ARL6IP1: variants seen among roughly 807,000 people sequenced by gnomAD.
ARL6IP1 encodes ARL6 interacting reticulophagy regulator 1, also known as ADP-ribosylation factor-like protein 6-interacting protein 1.
ARL6IP1 carries 16 observed loss-of-function variants against 30.1 expected under a neutral mutation model. The ratio of observed to expected loss-of-function variants is 0.53; its 90% CI spans 0.36 to 0.81. ARL6IP1 has a LOEUF of 0.81. ARL6IP1 is among the 30% of genes least tolerant of loss of function. The probability of loss-of-function intolerance (pLI) is 0.01; values close to 1 mark genes in which losing one functional copy is unlikely to be tolerated. For synonymous variants in ARL6IP1, 72 were observed against 84.8 expected (o/e 0.85, Z 0.83); for missense variants, 173 against 242.7 (o/e 0.71, Z 1.91).
chr16:18,799,071 G>A lies in ARL6IP1; in HGVS notation c.37-237C>T, dbSNP rs541797859. ...GTCTCGCTCTGTCACCCAGGCTGGA[G>A]TGCAGTGGGGAGATCTCGGCTCACT... On this transcript the variant is annotated intron_variant, in intron 1 of 5. Coordinates refer to ENST00000304414, the MANE Select transcript of ARL6IP1 (RefSeq NM_015161.3). Among the ~76,000 whole-genome samples the A allele has an allele frequency of 2.6e-5, 4 of 152,096 alleles. No homozygotes were observed. In the South Asian group the frequency reaches 8.3e-4, roughly 32 times the overall value.
chr16:18,801,232 G>C (rs548620388), intron 1 of ARL6IP1, 199 bp downstream of exon 1: 160 of 1,419,590 alleles, frequency 1.1e-4, no homozygotes, highest in Non-Finnish European at 1.4e-4. Flanking sequence ...TCCTCGCCCC[G>C]TCGCGCACCG....
intron 5 of ARL6IP1, among the ~76,000 whole-genome samples, chr16:18,793,900 A>T (rs2030149563): frequency 6.6e-6 from 1 of 152,164 alleles, no homozygotes; most frequent in South Asian, 2.1e-4. Context: ...TTTTTAGTAC[A>T]CATGTGATTT....
intron 1 of ARL6IP1, among the ~76,000 whole-genome samples, chr16:18,799,765 C>G (rs1479393970): frequency 6.6e-6 from 1 of 152,182 alleles, no homozygotes; most frequent in Non-Finnish European, 1.5e-5. Flanking sequence ...GTGTTTCTTA[C>G]CACTCAGGAT....
chr16:18,800,030 T>G (rs1246801801), intron 1 of ARL6IP1, among the ~76,000 whole-genome samples: 3 of 152,160 alleles, frequency 2.0e-5, no homozygotes, highest in Non-Finnish European at 4.4e-5. Flanking sequence ...CCTTGTCTCT[T>G]TGTAAAAGTC....
Position 18,798,046 on chromosome 16 carries a change from T to G in ARL6IP1, c.171-2A>C. 6.3e-7 allele frequency: 1 copy of G among 1,576,538 alleles called. No individual in the cohort carries two copies. The highest frequency in any genetic ancestry group is 8.6e-7 in the Non-Finnish European group (1 of 1,166,738). On this transcript the variant is annotated splice_acceptor_variant, in intron 2 of 5. Transcript: ENST00000304414. LOFTEE classifies it high-confidence loss of function. ...GATGGATCTAGATAGTAGATAATCC[T>G]GTTAAAAAAATTAATAAAGGTTAGA...
chr16:18,797,852 C>T, intron 3 of ARL6IP1, 73 bp downstream of exon 3: 1 of 1,532,038 alleles, frequency 6.5e-7, no homozygotes, highest in Admixed American at 2.1e-5. Context: ...TGCTTATTTA[C>T]AGCATACTAA....
rs1261134004 is a variant in ARL6IP1, at chr16:18,795,221, T to C, written c.408+243A>G. 3 of 363,270 alleles carry C rather than the reference T, an allele frequency of 8.3e-6. No homozygotes were observed. In the Admixed American group the frequency reaches 1.2e-4, roughly 15 times the overall value. The allele number at this position is 363,270 out of a possible 1,614,324, so 22.5% of individuals were successfully genotyped here. A position where few individuals can be genotyped will look rare whatever the true frequency, so the allele number is the denominator to read the frequency against. Reference sequence around the variant, plus strand: ...AGATGCTTTCTAAGTATATGTCTTTTACTATTATTTCAGTAAGAAAAATGA... The same window carrying C: ...AGATGCTTTCTAAGTATATGTCTTTCACTATTATTTCAGTAAGAAAAATGA... On this transcript the variant is annotated intron_variant, in intron 4 of 5. Transcript: ENST00000304414.
chr16:18,801,152 G>C (rs950820379), intron 1 of ARL6IP1: 10 of 1,367,970 alleles, frequency 7.3e-6, no homozygotes, highest in Middle Eastern at 2.8e-4. Context: ...CGCACCCCAG[G>C]CTAGTGTCGC....
chr16:18,801,184 C>G (rs975270663), intron 1 of ARL6IP1: 7 of 1,403,562 alleles, frequency 5.0e-6, no homozygotes, highest in Non-Finnish European at 6.5e-6. Context: ...CTCCCACTTC[C>G]TCCTCGACTC....
intron 5 of ARL6IP1, 24 bp downstream of exon 5, chr16:18,794,575 T>C: frequency 1.9e-6 from 3 of 1,588,574 alleles, no homozygotes; most frequent in East Asian, 2.2e-5. Flanking sequence ...AGGATGTGCC[T>C]GTAGTTTTTC....
intron 4 of ARL6IP1, 27 bp from the exon 5 acceptor site, chr16:18,794,710 T>A: frequency 6.5e-7 from 1 of 1,527,120 alleles, no homozygotes; most frequent in Non-Finnish European, 9.0e-7. Flanking sequence ...GAATTTAATA[T>A]CAAAACTTCA....
Position 18,792,207 on chromosome 16 carries a change from C to T in ARL6IP1, c.*1045G>A, listed in dbSNP as rs2030088743. On this transcript the variant is annotated 3_prime_UTR_variant, in exon 6 of 6. Coordinates refer to ENST00000304414, the MANE Select transcript of ARL6IP1 (RefSeq NM_015161.3). ...TCTCACCAACAGCCCTTGTATTTTT[C>T]AGGGAGAAATCTCTAGGAAAAAAGT... 6.6e-6 allele frequency: 1 copy of T among 152,162 alleles called. No homozygotes were observed. The allele number at this position is 152,162 out of a possible 1,614,324, so 9.4% of individuals were successfully genotyped here. A position where few individuals can be genotyped will look rare whatever the true frequency, so the allele number is the denominator to read the frequency against.
In ARL6IP1 at chr16:18,795,594, T is replaced by G. The variant is rs2030206963; in HGVS notation, c.291-13A>C. 1 of 1,599,896 alleles carries G rather than the reference T, an allele frequency of 6.3e-7. No individual in the cohort carries two copies. The highest frequency in any genetic ancestry group is 8.5e-7 in the Non-Finnish European group (1 of 1,170,298). On this transcript the variant is annotated splice_polypyrimidine_tract_variant and intron_variant, in intron 3 of 5. Transcript: ENST00000304414. ...TTGTTCAGTGGTCCTAGAAAAGAAA[T>G]TTGCCTTTTGCTATAAACAAATCGT...
intron 4 of ARL6IP1, chr16:18,795,152 T>C (rs1342652243): frequency 2.1e-5 from 5 of 235,502 alleles, no homozygotes; most frequent in Non-Finnish European, 4.2e-5. Context: ...CAGCCTTCCA[T>C]GTAGCTGGGA....
chr16:18,798,686 T>C lies in ARL6IP1; in HGVS notation c.170+15A>G, dbSNP rs748667940. 20 of 1,613,024 alleles carry C rather than the reference T, an allele frequency of 1.2e-5. No individual in the cohort carries two copies. The Admixed American group carries it at 2.3e-4, about 19-fold the overall frequency. ...ATAAGAAGCACAACCCATAGTAATC[T>C]AATAGCTCACTTACAGAAACACCAA... On this transcript the variant is annotated intron_variant, in intron 2 of 5. Transcript: ENST00000304414.
At chr16:18,799,955 C>G (rs964942820) in intron 1 of ARL6IP1, among the ~76,000 whole-genome samples, 2 of 152,160 alleles carry the variant, frequency 1.3e-5, no homozygotes, top group Non-Finnish European at 2.9e-5. Flanking sequence ...GCCTGTAAAC[C>G]CAGCACTTGG....
rs1293290693 is a variant in ARL6IP1, at chr16:18,793,071, C to T, written c.*181G>A. On this transcript the variant is annotated 3_prime_UTR_variant, in exon 6 of 6. Transcript: ENST00000304414. ...ACTGCTAAGAACGCGCTCAACTATACGCGACATGAAGACACTATGCACGAA... is the reference window on the plus strand; with the variant it reads ...ACTGCTAAGAACGCGCTCAACTATATGCGACATGAAGACACTATGCACGAA... 2.6e-5 allele frequency: 13 copies of T among 505,272 alleles called. No homozygotes were observed. Among genetic ancestry groups the T allele is most frequent in the Non-Finnish European group, 3.2e-5 (9 of 284,188 alleles). The allele number at this position is 505,272 out of a possible 1,614,324, so 31.3% of individuals were successfully genotyped here.
At chr16:18,796,965 A>G (rs2030250438) in intron 3 of ARL6IP1, among the ~76,000 whole-genome samples, 1 of 152,354 alleles carries the variant, frequency 6.6e-6, no homozygotes, top group African/African-American at 2.4e-5. Flanking sequence ...GAAAATATCT[A>G]TTCCAACTTC....
intron 3 of ARL6IP1, among the ~76,000 whole-genome samples, chr16:18,796,486 C>A (rs1402961512): frequency 6.6e-6 from 1 of 152,186 alleles, no homozygotes; most frequent in Non-Finnish European, 1.5e-5. Flanking sequence ...AAAAAATAAA[C>A]AAAATCTGCT....
Sources: allele counts gnomAD v4.1 joint callset (sites outside exome capture counted in the v4.1 genomes callset), GRCh38; gene constraint gnomAD v4.1.1; transcripts MANE v1.5; gene names NCBI Gene and HGNC (gene_info 2026-07-23, HGNC 2026-07-21).